The following ST14 variants were observed in gnomAD, a reference collection of about 807,000 sequenced individuals.
ST14 encodes the protein suppressor of tumorigenicity 14 protein.
ST14 carries 40 observed loss-of-function variants against 96.5 expected under a neutral mutation model. That is an observed-to-expected ratio of 0.41 (90% CI 0.32 to 0.54). The LOEUF (loss-of-function observed/expected upper bound fraction) is 0.54. Ranked by LOEUF, ST14 falls within the 20% of genes least tolerant of loss-of-function variation. The pLI is 0.17. For synonymous variants in ST14, 506 were observed against 492.1 expected (o/e 1.03, Z -0.37); for missense variants, 1,066 against 1,188.9 (o/e 0.90, Z 1.52).
chr11:130,200,810 T>G (rs1953419446), intron 16 of ST14, among the ~76,000 whole-genome samples: 2 of 152,174 alleles, frequency 1.3e-5, no homozygotes. Flanking sequence ...TTCAGAGAAG[T>G]AGGGACGTTT....
chr11:130,172,983 C>G (rs1242648057), intron 1 of ST14, among the ~76,000 whole-genome samples: 1 of 152,178 alleles, frequency 6.6e-6, no homozygotes, highest in Non-Finnish European at 1.5e-5. Flanking sequence ...ACACAACTCT[C>G]TTCTTTCCTT....
intron 1 of ST14, among the ~76,000 whole-genome samples, chr11:130,168,218 A>G (rs983826526): frequency 6.6e-6 from 1 of 152,214 alleles, no homozygotes; most frequent in Non-Finnish European, 1.5e-5. Flanking sequence ...AAACAGAATG[A>G]GGAAGGTAAT....
At chr11:130,184,006 G>A (rs1468171087) in intron 1 of ST14, among the ~76,000 whole-genome samples, 3 of 152,214 alleles carry the variant, frequency 2.0e-5, no homozygotes, top group Non-Finnish European at 2.9e-5. Context: ...CAGAGGAATC[G>A]TGCGGAGTGA....
At chr11:130,170,602 C>T (rs1003593795) in intron 1 of ST14, among the ~76,000 whole-genome samples, 2 of 151,810 alleles carry the variant, frequency 1.3e-5, no homozygotes, top group Non-Finnish European at 2.9e-5. Context: ...CAGGCAGGTT[C>T]GGTAGGCGGT....
intron 11 of ST14, 158 bp downstream of exon 11, chr11:130,196,858 CT>C: frequency 1.9e-6 from 2 of 1,052,792 alleles, no homozygotes; most frequent in South Asian, 1.4e-5. Context: ...AACACGCTAC[CT>C]TTGATGCATT....
At chr11:130,166,690 G>A (rs992111574) in intron 1 of ST14, among the ~76,000 whole-genome samples, 6 of 152,100 alleles carry the variant, frequency 3.9e-5, no homozygotes, top group Non-Finnish European at 8.8e-5. Flanking sequence ...TCAGTGCTTT[G>A]CTCACTGAAC....
intron 7 of ST14, among the ~76,000 whole-genome samples, chr11:130,193,495 A>G (rs1953325884): frequency 7.9e-6 from 1 of 126,392 alleles, no homozygotes; most frequent in African/African-American, 3.0e-5. Context: ...TTTTTCTGAC[A>G]GTCTCGCTGT....
At chr11:130,190,289 A>G in intron 6 of ST14, 141 bp downstream of exon 6, 1 of 1,474,394 alleles carries the variant, frequency 6.8e-7, no homozygotes, top group Non-Finnish European at 9.4e-7. Flanking sequence ...TTCCTCTTCC[A>G]GGCCCTTCTG....
intron 16 of ST14, among the ~76,000 whole-genome samples, chr11:130,201,019 A>G (rs1361399238): frequency 6.6e-6 from 1 of 152,254 alleles, no homozygotes; most frequent in African/African-American, 2.4e-5. Context: ...TAGTGACAGT[A>G]TCAGCTCCCA....
At chr11:130,186,088 G>A (rs1027151813) in intron 1 of ST14, among the ~76,000 whole-genome samples, 4 of 152,154 alleles carry the variant, frequency 2.6e-5, no homozygotes, top group African/African-American at 4.8e-5. Context: ...GATTATAGGC[G>A]TGAGCCACTG....
chr11:130,209,091 G>A (rs1953519032), intron 17 of ST14, among the ~76,000 whole-genome samples: 2 of 152,296 alleles, frequency 1.3e-5, no homozygotes, highest in East Asian at 1.9e-4. Context: ...AACATTTGTC[G>A]TCTTTGGAGA....
At chr11:130,189,221 A>C in intron 4 of ST14, 1 of 552,328 alleles carries the variant, frequency 1.8e-6, no homozygotes, top group Non-Finnish European at 3.3e-6. Flanking sequence ...TGTTTTTCCA[A>C]ATTTGGGTAT....
intron 6 of ST14, 129 bp downstream of exon 6, chr11:130,190,277 C>G (rs1364483997): frequency 6.8e-7 from 1 of 1,474,574 alleles, no homozygotes; most frequent in East Asian, 2.3e-5. Context: ...CTTTCCAGGC[C>G]CTTCCTCTTC....
At chr11:130,177,625 A>G (rs1438656489) in intron 1 of ST14, among the ~76,000 whole-genome samples, 5 of 152,202 alleles carry the variant, frequency 3.3e-5, no homozygotes, top group African/African-American at 1.2e-4. Context: ...CATGCTTGCT[A>G]TGAGCCTTTC....
intron 7 of ST14, among the ~76,000 whole-genome samples, chr11:130,193,626 T>C (rs613137): frequency 0.83 from 126,900 of 152,140 alleles, 53,045 homozygotes; most frequent in East Asian, 0.95. Context: ...TGCACCGTGA[T>C]GCCCAGCTAA....
At chr11:130,192,333 G>A (rs569886182) in intron 7 of ST14, among the ~76,000 whole-genome samples, 107 of 152,208 alleles carry the variant, frequency 7.0e-4, no homozygotes, top group Admixed American at 1.4e-3. Flanking sequence ...GAAGGAAATC[G>A]GCAAGCAAAA....
At position 130,188,205 on chromosome 11, in the gene ST14, T is replaced by C. The variant is rs1381810776; in HGVS notation, c.173T>C (p.Leu58Pro). ...CATGGCCCGGGGCGCTGGGTGGTGCTGGCAGCCGTGCTGATCGGCCTCCTC... is the reference window on the plus strand; with the variant it reads ...CATGGCCCGGGGCGCTGGGTGGTGCCGGCAGCCGTGCTGATCGGCCTCCTC... ...EKHGPGRWVVLAAVLIGLLLV... is the reference protein window; with the variant it reads ...EKHGPGRWVVPAAVLIGLLLV... Residue 58 changes from leucine (L) to proline (P), a missense_variant, in exon 2 of 19, where the codon CTG (leucine) becomes CCG (proline). By Grantham distance (98) the Leu-to-Pro change is moderately conservative (BLOSUM62 -3). Transcript: ENST00000278742. The surrounding 1 kb of genome is among the most constrained non-coding windows in gnomAD (Gnocchi z 5.4). 1.2e-6 allele frequency: 2 copies of C among 1,614,188 alleles called. No homozygotes were observed. Among genetic ancestry groups the C allele is most frequent in the Middle Eastern group, 1.6e-4 (1 of 6,062 alleles).
chr11:130,208,952 C>T (rs552381910), intron 17 of ST14, among the ~76,000 whole-genome samples: 1 of 152,208 alleles, frequency 6.6e-6, no homozygotes, highest in East Asian at 1.9e-4. Context: ...TTTGTGCATG[C>T]GCGTAATGAA....
intron 1 of ST14, among the ~76,000 whole-genome samples, chr11:130,176,340 A>G (rs1036785524): frequency 6.6e-6 from 1 of 150,680 alleles, no homozygotes; most frequent in African/African-American, 2.4e-5. Flanking sequence ...TTCCTCCTTA[A>G]AAGTTACCCC....
Sources: gnomAD v4.1 joint callset for allele counts (sites outside exome capture counted in the v4.1 genomes callset) on GRCh38, gnomAD v4.1.1 for gene constraint, Gnocchi (gnomAD v3.1) non-coding constraint, MANE v1.5 for transcripts, NCBI Gene and HGNC (gene_info 2026-07-23, HGNC 2026-07-21) for gene names.